Variants in CEMIP2 observed in about 807,000 individuals in gnomAD.
CEMIP2 encodes the protein cell surface hyaluronidase CEMIP2.
Under a neutral mutation model 146.9 loss-of-function variants are expected in CEMIP2, and 79 were observed. The observed-to-expected ratio is 0.54, with a 90% CI of 0.45 to 0.65. CEMIP2 has a LOEUF of 0.65. Among genes scored for constraint, CEMIP2 ranks in the 30% least tolerant of loss-of-function variants. The pLI is 0.00. For missense variants in CEMIP2, 1,596 were observed against 1,696.2 expected (o/e 0.94, Z 1.04); for synonymous variants, 601 against 606.3 (o/e 0.99, Z 0.13).
chr9:71,729,575 G>A (rs138632038), intron 10 of CEMIP2, among the ~76,000 whole-genome samples: 10 of 151,054 alleles, frequency 6.6e-5, no homozygotes, highest in South Asian at 4.2e-4. Context: ...CCAAGATCGC[G>A]CCACTGCACT....
Position 71,715,625 on chromosome 9 carries a change from G to GATAGATATATAT in CEMIP2, c.2436-537_2436-536insATATATATCTAT, listed in dbSNP as rs1554682970. 3.4e-5 allele frequency among the ~76,000 whole-genome samples: 4 copies of GATAGATATATAT among 119,068 alleles called. 1 individual carries two copies. Among genetic ancestry groups the GATAGATATATAT allele is most frequent in the Admixed American group, 9.3e-5 (1 of 10,742 alleles). 78.1% of individuals were successfully genotyped at this position (119,068 alleles called of 152,430 possible). A position where few individuals can be genotyped will look rare whatever the true frequency, so the allele number is the denominator to read the frequency against. On this transcript the variant is annotated intron_variant, in intron 14 of 23. Transcript: ENST00000377044. The stretch of plus-strand genomic sequence containing the variant: ...ATATACATACATATATCCCTCTTAA[G>GATAGATATATAT]ATATATATATATATATATATATACT...
chr9:71,739,981 A>T, intron 5 of CEMIP2, 82 bp downstream of exon 5: 1 of 1,318,208 alleles, frequency 7.6e-7, no homozygotes, highest in Non-Finnish European at 1.0e-6. Context: ...CTGTCATTTG[A>T]ACATAATACT....
At chr9:71,707,555 A>T (rs1394010193) in intron 17 of CEMIP2, among the ~76,000 whole-genome samples, 2 of 152,198 alleles carry the variant, frequency 1.3e-5, no homozygotes, top group African/African-American at 4.8e-5. Context: ...AACAAAGAAG[A>T]ATTCTGATCC....
At chr9:71,691,623 A>G (rs935821805) in intron 21 of CEMIP2, among the ~76,000 whole-genome samples, 4 of 152,066 alleles carry the variant, frequency 2.6e-5, no homozygotes, top group African/African-American at 9.7e-5. Context: ...GACTGCCCCC[A>G]TGAAAAGTAT....
intron 2 of CEMIP2, among the ~76,000 whole-genome samples, chr9:71,747,801 A>C (rs1286203748): frequency 6.6e-6 from 1 of 152,170 alleles, no homozygotes; most frequent in Non-Finnish European, 1.5e-5. Flanking sequence ...CCCTAGGTTT[A>C]TGCTTTCTCT....
chr9:71,705,995 G>A (rs938602654), intron 17 of CEMIP2, among the ~76,000 whole-genome samples: 5 of 151,970 alleles, frequency 3.3e-5, no homozygotes, highest in African/African-American at 9.7e-5. Flanking sequence ...TTGGGAGGCC[G>A]AGGCAGGCAG....
chr9:71,709,161 A>T, intron 17 of CEMIP2, 98 bp downstream of exon 17: 1 of 1,125,460 alleles, frequency 8.9e-7, no homozygotes. Context: ...TACTTTGGAA[A>T]ATGTCAATCA....
rs184157669 is a variant in CEMIP2 at position 71,690,288 on chromosome 9, A to T, written c.3697-42T>A. ...ATCTTCTGCTGTCATCATCATTTTG[A>T]GAACATCTGCAGGATGACTCATTTT... is the stretch of plus-strand genomic sequence containing the variant. On this transcript the variant is annotated intron_variant, in intron 21 of 23. Coordinates refer to ENST00000377044, the MANE Select transcript of CEMIP2 (RefSeq NM_013390.3). 473 of 1,600,970 alleles carry T rather than the reference A, an allele frequency of 3.0e-4. 1 individual carries two copies. The highest frequency in any genetic ancestry group is 2.8e-5 in the Non-Finnish European group (33 of 1,170,750).
intron 17 of CEMIP2, among the ~76,000 whole-genome samples, chr9:71,706,960 C>A (rs1365983568): frequency 6.6e-6 from 1 of 152,094 alleles, no homozygotes; most frequent in African/African-American, 2.4e-5. Flanking sequence ...CCTCGAGTAG[C>A]TGGGATTACA....
chr9:71,742,902 T>C (rs1043363571), intron 4 of CEMIP2, among the ~76,000 whole-genome samples: 3 of 152,138 alleles, frequency 2.0e-5, no homozygotes, highest in Non-Finnish European at 4.4e-5. Flanking sequence ...GGTATATTCA[T>C]ACGACAGAAA....
intron 19 of CEMIP2, among the ~76,000 whole-genome samples, chr9:71,699,969 C>T (rs1197542646): frequency 6.6e-6 from 1 of 152,196 alleles, no homozygotes. Flanking sequence ...AGAAGAAATG[C>T]ATCTTCTTTC....
intron 17 of CEMIP2, 46 bp downstream of exon 17, chr9:71,709,213 G>A (rs1413238870): frequency 2.5e-6 from 4 of 1,573,194 alleles, no homozygotes; most frequent in Non-Finnish European, 3.5e-6. Flanking sequence ...AGCAGTGCTG[G>A]CAGGAGCTGG....
chr9:71,693,966 C>G (rs890802059), intron 21 of CEMIP2, among the ~76,000 whole-genome samples: 1 of 152,156 alleles, frequency 6.6e-6, no homozygotes, highest in Non-Finnish European at 1.5e-5. Flanking sequence ...ACCCCTGGAC[C>G]GTTCTACCCT....
At chr9:71,718,759 C>T (rs1168220479) in intron 12 of CEMIP2, among the ~76,000 whole-genome samples, 1 of 151,870 alleles carries the variant, frequency 6.6e-6, no homozygotes, top group Non-Finnish European at 1.5e-5. Context: ...GTATTTTTAG[C>T]AGAGACAAGG....
chr9:71,751,403 C>A (rs1824249546), intron 1 of CEMIP2, among the ~76,000 whole-genome samples: 1 of 152,190 alleles, frequency 6.6e-6, no homozygotes, highest in Non-Finnish European at 1.5e-5. Context: ...GTGTAATCAC[C>A]CGCTAAGGTG....
At chr9:71,737,359 G>C (rs1253241025) in intron 5 of CEMIP2, among the ~76,000 whole-genome samples, 5 of 150,862 alleles carry the variant, frequency 3.3e-5, no homozygotes, top group African/African-American at 1.2e-4. Flanking sequence ...GGCTGAGGCA[G>C]GAGAATCGCT....
At chr9:71,755,433 C>T (rs546223789) in intron 1 of CEMIP2, among the ~76,000 whole-genome samples, 198 of 151,182 alleles carry the variant, frequency 1.3e-3, no homozygotes, top group Non-Finnish European at 2.3e-3. Context: ...CTAGCTACTC[C>T]GGAGGCGGAG....
chr9:71,764,688 G>A (rs1325867034), intron 1 of CEMIP2, among the ~76,000 whole-genome samples: 1 of 152,138 alleles, frequency 6.6e-6, no homozygotes, highest in African/African-American at 2.4e-5. Flanking sequence ...TTAAATATCT[G>A]AGTTTGGATT....
chr9:71,707,265 T>C (rs573233014), intron 17 of CEMIP2, among the ~76,000 whole-genome samples: 1 of 152,294 alleles, frequency 6.6e-6, no homozygotes, highest in Non-Finnish European at 1.5e-5. Flanking sequence ...TTATAAACCA[T>C]GTTCCTTTCT....
Sources: gnomAD v4.1 joint callset for allele counts (sites outside exome capture counted in the v4.1 genomes callset) on GRCh38, gnomAD v4.1.1 for gene constraint, MANE v1.5 for transcripts, NCBI Gene and HGNC (gene_info 2026-07-23, HGNC 2026-07-21) for gene names.